Variants in MTUS2 observed in about 807,000 individuals in gnomAD.
MTUS2 encodes microtubule-associated tumor suppressor candidate 2.
A neutral mutation model predicts 114.1 loss-of-function variants in MTUS2; 40 were observed. The ratio of observed to expected loss-of-function variants is 0.35; its 90% confidence interval spans 0.27 to 0.46. The LOEUF (loss-of-function observed/expected upper bound fraction) is 0.46. MTUS2 is among the 20% of genes least tolerant of loss of function. The probability of loss-of-function intolerance (pLI) is 1.00; values close to 1 mark genes in which losing one functional copy is unlikely to be tolerated. For synonymous variants in MTUS2, 688 were observed against 672.0 expected (o/e 1.02, Z -0.37); for missense variants, 1,679 against 1,705.4 (o/e 0.98, Z 0.27).
At position 29,026,175 on chromosome 13, in the gene MTUS2, C is replaced by A. The variant is rs779266664; in HGVS notation, c.1477C>A (p.Arg493Ser). ...VPEPLDPQSG[R>S]SEARESKEVT... The stretch of plus-strand genomic sequence containing the variant: ...TGAGCCCCTGGACCCTCAAAGTGGC[C>A]GCTCAGAAGCACGGGAAAGCAAAGA... Residue 493 changes from arginine to serine, a missense_variant, in exon 3 of 16, where the codon CGC (arginine) becomes AGC (serine). Arg to Ser is a moderately radical substitution (Grantham distance 110). Around this residue, in one of 3 missense-constraint regions of MTUS2, gnomAD observed 843 missense variants for 770.8 expected, o/e 1.09. Transcript: ENST00000612955. 9 of 1,613,766 alleles carry A rather than the reference C, an allele frequency of 5.6e-6. No individual in the cohort carries two copies. Among genetic ancestry groups the A allele is most frequent in the Non-Finnish European group, 7.6e-6 (9 of 1,179,876 alleles).
intron 4 of MTUS2, among the ~76,000 whole-genome samples, chr13:29,091,345 G>T (rs1353536382): frequency 6.6e-6 from 1 of 152,104 alleles, no homozygotes; most frequent in Non-Finnish European, 1.5e-5. Context: ...CCACAAGGGT[G>T]CCATGGGTGT....
intron 5 of MTUS2, among the ~76,000 whole-genome samples, chr13:29,180,618 T>G (rs1397863640): frequency 6.6e-6 from 1 of 152,326 alleles, no homozygotes; most frequent in African/African-American, 2.4e-5. Context: ...TTTTCTATTT[T>G]CTTCAAGTTA....
intron 6 of MTUS2, 138 bp downstream of exon 6, chr13:29,282,003 A>G: frequency 2.1e-6 from 2 of 975,334 alleles, no homozygotes; most frequent in Admixed American, 6.4e-5. Context: ...CAATAATACC[A>G]CTGCTTTTAA....
At chr13:29,147,821 T>G (rs144588699) in intron 5 of MTUS2, among the ~76,000 whole-genome samples, 94 of 152,354 alleles carry the variant, frequency 6.2e-4, no homozygotes, top group African/African-American at 2.2e-3. Flanking sequence ...TACCACATTT[T>G]CTTTGTCCAG....
rs1219040116 is a variant in MTUS2, at chr13:29,496,507, G to C, written c.3580-731G>C. ...AGAGGAAAGGGAGGCAGCGGGGCTG[G>C]GAGGATGCTGTGTTAGGGAGTGTGC... On this transcript the variant is annotated intron_variant, in intron 12 of 15. Transcript: ENST00000612955. The surrounding 1 kb of genome is among the most constrained non-coding windows in gnomAD (Gnocchi z 4.3). 6.5e-6 allele frequency: 1 copy of C among 153,222 alleles called. No individual in the cohort carries two copies. Among genetic ancestry groups the C allele is most frequent in the Non-Finnish European group, 1.5e-5 (1 of 68,572 alleles). 9.5% of individuals were successfully genotyped at this position (153,222 alleles called of 1,614,324 possible).
chr13:29,404,532 C>T (rs1158221248), intron 8 of MTUS2, among the ~76,000 whole-genome samples: 1 of 152,100 alleles, frequency 6.6e-6, no homozygotes, highest in Non-Finnish European at 1.5e-5. Flanking sequence ...CGTCTCCTCC[C>T]TAACCTCATC....
chr13:29,257,549 A>G (rs971437791), intron 5 of MTUS2, among the ~76,000 whole-genome samples: 1 of 152,202 alleles, frequency 6.6e-6, no homozygotes, highest in African/African-American at 2.4e-5. Context: ...ACTTAACGTG[A>G]AGGAGGGAGT....
chr13:29,073,428 A>T (rs181518933), intron 4 of MTUS2, among the ~76,000 whole-genome samples: 1 of 152,212 alleles, frequency 6.6e-6, no homozygotes, highest in Admixed American at 6.5e-5. Flanking sequence ...TCTGGCCTGG[A>T]TATTAAATAA....
intron 2 of MTUS2, among the ~76,000 whole-genome samples, chr13:28,903,897 A>G (rs954472698): frequency 3.9e-5 from 6 of 151,996 alleles, no homozygotes; most frequent in African/African-American, 7.2e-5. Flanking sequence ...AAGTGTTCCT[A>G]TTTCTCCACA....
chr13:28,929,774 G>T (rs1012850405), intron 2 of MTUS2, among the ~76,000 whole-genome samples: 1 of 152,230 alleles, frequency 6.6e-6, no homozygotes, highest in Non-Finnish European at 1.5e-5. Flanking sequence ...TGCCTGCTTG[G>T]TCTACCTTGG....
At chr13:29,221,889 T>C (rs530756563) in intron 5 of MTUS2, among the ~76,000 whole-genome samples, 1 of 152,330 alleles carries the variant, frequency 6.6e-6, no homozygotes, top group East Asian at 1.9e-4. Context: ...TTCTTATTTC[T>C]CCTGCAACTG....
chr13:28,946,307 G>A (rs912441922), intron 2 of MTUS2, among the ~76,000 whole-genome samples: 3 of 145,976 alleles, frequency 2.1e-5, no homozygotes, highest in Admixed American at 6.8e-5. Context: ...GTGTGTGTGC[G>A]CGCGCACATA....
chr13:28,941,838 A>G (rs1468443362), intron 2 of MTUS2, among the ~76,000 whole-genome samples: 1 of 152,160 alleles, frequency 6.6e-6, no homozygotes, highest in Non-Finnish European at 1.5e-5. Flanking sequence ...GCTATCTTGC[A>G]CTTTAAATTA....
intron 5 of MTUS2, among the ~76,000 whole-genome samples, chr13:29,141,636 GTTTAC>G (rs1271617532): frequency 1.3e-5 from 2 of 152,132 alleles, no homozygotes; most frequent in African/African-American, 2.4e-5. Flanking sequence ...AATGTGCTAT[GTTTAC>G]TTTATTTTCT....
chr13:28,893,018 G>A (rs1210176241), intron 2 of MTUS2, among the ~76,000 whole-genome samples: 2 of 152,206 alleles, frequency 1.3e-5, no homozygotes, highest in Non-Finnish European at 2.9e-5. Flanking sequence ...AGAAGCAAAT[G>A]TCTGCAGACA....
intron 2 of MTUS2, among the ~76,000 whole-genome samples, chr13:28,904,928 A>C (rs963917066): frequency 7.9e-5 from 12 of 151,128 alleles, no homozygotes; most frequent in African/African-American, 2.5e-4. Context: ...CTTTTATTTC[A>C]TTGAGCAGTG....
At chr13:28,998,770 G>C (rs1042847211) in intron 2 of MTUS2, among the ~76,000 whole-genome samples, 7 of 152,100 alleles carry the variant, frequency 4.6e-5, no homozygotes, top group African/African-American at 1.4e-4. Context: ...CTCTGCATTG[G>C]TTATTCTAGT....
chr13:28,995,095 A>T (rs1397543733), intron 2 of MTUS2, among the ~76,000 whole-genome samples: 1 of 152,316 alleles, frequency 6.6e-6, no homozygotes, highest in African/African-American at 2.4e-5. Flanking sequence ...TAAGGAAGGG[A>T]TCCAGTTTCA....
intron 9 of MTUS2, among the ~76,000 whole-genome samples, chr13:29,447,586 TG>T (rs1337920418): frequency 6.6e-6 from 1 of 151,324 alleles, no homozygotes; most frequent in Non-Finnish European, 1.5e-5. Context: ...TGGTTGGCCT[TG>T]GGGTATCTAA....
Sources: gnomAD v4.1 joint callset for allele counts (sites outside exome capture counted in the v4.1 genomes callset) on GRCh38, gnomAD v4.1.1 for gene constraint, gnomAD v4.1.1 regional missense constraint, Gnocchi (gnomAD v3.1) non-coding constraint, MANE v1.5 for transcripts, NCBI Gene and HGNC (gene_info 2026-07-23, HGNC 2026-07-21) for gene names.